UGP2: variants seen among roughly 807,000 people sequenced by gnomAD.
UGP2 encodes the protein UTP--glucose-1-phosphate uridylyltransferase.
UGP2 carries 40 observed loss-of-function variants against 49.0 expected under a neutral mutation model. The observed-to-expected ratio is 0.82, with a 90% CI of 0.63 to 1.06. The LOEUF is 1.06. Ranked by LOEUF, UGP2 falls within the 50% of genes least tolerant of loss-of-function variation. UGP2 has a pLI of 0.00. For missense variants in UGP2, 460 were observed against 603.5 expected (o/e 0.76, Z 2.49); for synonymous variants, 225 against 213.0 (o/e 1.06, Z -0.49).
intron 3 of UGP2, among the ~76,000 whole-genome samples, chr2:63,864,564 G>T (rs567432076): frequency 6.6e-6 from 1 of 152,238 alleles, no homozygotes; most frequent in East Asian, 1.9e-4. Context: ...GACACAGTGG[G>T]GGCTGAGAGG....
At chr2:63,847,856 G>T (rs943989515) in intron 1 of UGP2, among the ~76,000 whole-genome samples, 1 of 152,200 alleles carries the variant, frequency 6.6e-6, no homozygotes, top group Admixed American at 6.5e-5. Context: ...CCATCTGGGC[G>T]TATACGTGCA....
At chr2:63,885,296 T>A (rs1000220156) in intron 5 of UGP2, among the ~76,000 whole-genome samples, 3 of 152,128 alleles carry the variant, frequency 2.0e-5, no homozygotes, top group South Asian at 4.1e-4. Context: ...ACTTGATACA[T>A]CCCTTCTTTT....
At chr2:63,858,402 CTT>C (rs1161104315) in intron 3 of UGP2, among the ~76,000 whole-genome samples, 5 of 152,084 alleles carry the variant, frequency 3.3e-5, no homozygotes, top group Admixed American at 2.6e-4. Context: ...ATGAATCTCT[CTT>C]GTTTTTTCCT....
intron 3 of UGP2, among the ~76,000 whole-genome samples, chr2:63,869,841 C>G (rs775508210): frequency 5.9e-5 from 9 of 151,994 alleles, no homozygotes; most frequent in Non-Finnish European, 1.2e-4. Context: ...ACTGTGAGGA[C>G]TCATCCATCA....
intron 1 of UGP2, 68 bp from the exon 2 acceptor site, chr2:63,856,238 A>G: frequency 1.9e-6 from 3 of 1,561,752 alleles, no homozygotes; most frequent in South Asian, 1.2e-5. Flanking sequence ...GAAATCAGTT[A>G]TAGCTTACCA....
At chr2:63,872,127 C>T (rs866812223) in intron 3 of UGP2, among the ~76,000 whole-genome samples, 4 of 152,348 alleles carry the variant, frequency 2.6e-5, no homozygotes, top group South Asian at 2.1e-4. Context: ...TTAACATCCT[C>T]AGGCTACACA....
At chr2:63,847,830 C>G (rs1668763996) in intron 1 of UGP2, among the ~76,000 whole-genome samples, 1 of 152,208 alleles carries the variant, frequency 6.6e-6, no homozygotes, top group Non-Finnish European at 1.5e-5. Context: ...TTTTGTGATT[C>G]TTCAGTTGCT....
chr2:63,846,172 G>A (rs893969377), intron 1 of UGP2: 6 of 152,206 alleles, frequency 3.9e-5, no homozygotes, highest in Admixed American at 1.3e-4. Flanking sequence ...ATTCTAAATG[G>A]ATGTGAGTAC....
At chr2:63,887,704 G>T in intron 8 of UGP2, 60 bp downstream of exon 8, 2 of 1,584,350 alleles carry the variant, frequency 1.3e-6, no homozygotes, top group South Asian at 2.3e-5. Flanking sequence ...ATAAAGATAT[G>T]ATATACATGT....
intron 3 of UGP2, among the ~76,000 whole-genome samples, chr2:63,870,124 A>G (rs1174543838): frequency 6.6e-6 from 1 of 151,964 alleles, no homozygotes; most frequent in Non-Finnish European, 1.5e-5. Context: ...GGGTTTCACC[A>G]TGTTAGCCAG....
intron 1 of UGP2, among the ~76,000 whole-genome samples, chr2:63,848,707 A>G (rs1305257121): frequency 6.6e-6 from 1 of 152,220 alleles, no homozygotes; most frequent in Non-Finnish European, 1.5e-5. Context: ...GTGTCCTTCT[A>G]TTAATAACAA....
At chr2:63,875,991 C>T (rs1211656029) in intron 3 of UGP2, among the ~76,000 whole-genome samples, 3 of 152,054 alleles carry the variant, frequency 2.0e-5, no homozygotes, top group African/African-American at 4.8e-5. Flanking sequence ...GAACACTAGC[C>T]ATCTTTGCTT....
At chr2:63,852,882 A>G (rs759947395) in intron 1 of UGP2, among the ~76,000 whole-genome samples, 1 of 152,192 alleles carries the variant, frequency 6.6e-6, no homozygotes, top group Non-Finnish European at 1.5e-5. Context: ...CAGGGTGGGC[A>G]AAAGAGTAAT....
chr2:63,873,619 A>C (rs1670712154), intron 3 of UGP2, among the ~76,000 whole-genome samples: 1 of 152,088 alleles, frequency 6.6e-6, no homozygotes, highest in Admixed American at 6.5e-5. Flanking sequence ...TGGTGAAATG[A>C]AGTTGTATGA....
chr2:63,850,420 GATC>G (rs1184938544), intron 1 of UGP2, among the ~76,000 whole-genome samples: 3 of 152,090 alleles, frequency 2.0e-5, no homozygotes, highest in Admixed American at 2.0e-4. Context: ...AGTATGAAAA[GATC>G]ATATAAAATT....
chr2:63,850,167 T>C (rs977016695), intron 1 of UGP2, among the ~76,000 whole-genome samples: 1 of 152,234 alleles, frequency 6.6e-6, no homozygotes, highest in African/African-American at 2.4e-5. Context: ...TTTTAATTGT[T>C]AATCAGAAGA....
Position 63,849,828 on chromosome 2 carries a change from C to T in UGP2, c.20-6478C>T, listed in dbSNP as rs144039587. ...AGTCAGCATCTCTGGGCCCCTGTTT[C>T]TTTATCTCCAAAATAAGGAATTGGA... On this transcript the variant is annotated intron_variant, in intron 1 of 9. Transcript: ENST00000337130. Among the ~76,000 whole-genome samples the T allele has an allele frequency of 2.6e-4, 40 of 152,276 alleles. No individual in the cohort carries two copies. The East Asian group carries it at 6.9e-3, about 26-fold the overall frequency.
chr2:63,855,619 G>A, intron 1 of UGP2: 1 of 409,310 alleles, frequency 2.4e-6, no homozygotes, highest in African/African-American at 2.2e-5. Flanking sequence ...TCGCCTCACT[G>A]CAGCCTCTGC....
chr2:63,869,116 T>C (rs747314480), intron 3 of UGP2, among the ~76,000 whole-genome samples: 4 of 152,170 alleles, frequency 2.6e-5, no homozygotes, highest in Non-Finnish European at 5.9e-5. Flanking sequence ...GTTTACAATC[T>C]AGTAAAGAAG....
Sources: gnomAD v4.1 joint callset for allele counts (sites outside exome capture counted in the v4.1 genomes callset) on GRCh38, gnomAD v4.1.1 for gene constraint, MANE v1.5 for transcripts, NCBI Gene and HGNC (gene_info 2026-07-23, HGNC 2026-07-21) for gene names.